Variants in ZC3H13 observed in about 807,000 individuals in gnomAD.
The protein encoded by ZC3H13 is zinc finger CCCH domain-containing protein 13.
Under a neutral mutation model 204.1 loss-of-function variants are expected in ZC3H13, and 64 were observed. The observed-to-expected ratio is 0.31, with a 90% CI of 0.26 to 0.39. ZC3H13 has a LOEUF of 0.39. ZC3H13 is among the 10% of genes least tolerant of loss of function. ZC3H13 has a pLI of 1.00. For missense variants in ZC3H13, 1,833 were observed against 2,082.7 expected (o/e 0.88, Z 2.33); for synonymous variants, 667 against 693.7 (o/e 0.96, Z 0.60).
intron 8 of ZC3H13, 37 bp downstream of exon 8, chr13:46,003,102 A>C: frequency 6.3e-7 from 1 of 1,586,752 alleles, no homozygotes; most frequent in Non-Finnish European, 8.5e-7. Flanking sequence ...ATATTCTACA[A>C]AAGTTAATAT....
At chr13:45,987,901 A>AT (rs2039665457) in intron 9 of ZC3H13, among the ~76,000 whole-genome samples, 1 of 152,220 alleles carries the variant, frequency 6.6e-6, no homozygotes, top group African/African-American at 2.4e-5. Context: ...AACAGGCTTT[A>AT]TTGCCAGGTA....
intron 5 of ZC3H13, among the ~76,000 whole-genome samples, chr13:46,012,415 T>C (rs930722845): frequency 6.6e-6 from 1 of 152,184 alleles, no homozygotes; most frequent in African/African-American, 2.4e-5. Flanking sequence ...GATATACTTC[T>C]AGCACTTTAG....
At chr13:45,994,235 C>A (rs34976194) in intron 8 of ZC3H13, among the ~76,000 whole-genome samples, 12,801 of 152,254 alleles carry the variant, frequency 0.084, 772 homozygotes, top group Non-Finnish European at 0.12. Flanking sequence ...AAATAACATA[C>A]AAAATATGTG....
chr13:45,989,146 T>C, intron 8 of ZC3H13, 49 bp from the exon 9 acceptor site: 1 of 1,534,888 alleles, frequency 6.5e-7, no homozygotes, highest in Non-Finnish European at 8.8e-7. Context: ...GAGCTTCATT[T>C]CTAGCCAAAG....
intron 12 of ZC3H13, among the ~76,000 whole-genome samples, chr13:45,971,882 C>G (rs890412081): frequency 1.3e-5 from 2 of 151,912 alleles, no homozygotes; most frequent in African/African-American, 4.8e-5. Context: ...ATACAAACAG[C>G]CAACAAACGT....
chr13:46,003,895 A>G (rs1289199428), intron 7 of ZC3H13, among the ~76,000 whole-genome samples: 1 of 152,194 alleles, frequency 6.6e-6, no homozygotes, highest in Non-Finnish European at 1.5e-5. Flanking sequence ...ATCCGAAAAG[A>G]AAATATAGAA....
chr13:46,018,606 G>A (rs2042051323), intron 5 of ZC3H13, among the ~76,000 whole-genome samples: 1 of 152,148 alleles, frequency 6.6e-6, no homozygotes, highest in African/African-American at 2.4e-5. Context: ...GTTTGAAGGT[G>A]TGGTAGGAGG....
intron 8 of ZC3H13, among the ~76,000 whole-genome samples, chr13:45,999,180 G>C (rs369170487): frequency 2.0e-5 from 3 of 152,276 alleles, no homozygotes; most frequent in South Asian, 4.1e-4. Flanking sequence ...GGGAGGCGGA[G>C]GCTACAATGA....
chr13:46,040,554 C>T (rs1405320217), intron 4 of ZC3H13, among the ~76,000 whole-genome samples: 1 of 151,730 alleles, frequency 6.6e-6, no homozygotes, highest in African/African-American at 2.4e-5. Context: ...TAGATGACAC[C>T]AAAAGCACAA....
At chr13:45,982,506 TA>T (rs981992785) in intron 10 of ZC3H13, among the ~76,000 whole-genome samples, 3 of 151,376 alleles carry the variant, frequency 2.0e-5, no homozygotes, top group Non-Finnish European at 3.0e-5. Flanking sequence ...GAGTTACATT[TA>T]AAAAAAAATT....
intron 8 of ZC3H13, among the ~76,000 whole-genome samples, chr13:45,995,856 A>G (rs897585147): frequency 6.6e-6 from 1 of 152,234 alleles, no homozygotes; most frequent in African/African-American, 2.4e-5. Context: ...CAATACAAGA[A>G]CAACCTGATC....
At chr13:46,031,678 C>T (rs368269257) in intron 4 of ZC3H13, among the ~76,000 whole-genome samples, 10 of 152,220 alleles carry the variant, frequency 6.6e-5, no homozygotes, top group East Asian at 1.9e-4. Context: ...TATGAAAAGA[C>T]GCTCAAGAGC....
chr13:46,052,351 G>A (rs190588925), intron 1 of ZC3H13, 53 bp downstream of exon 1: 6 of 393,504 alleles, frequency 1.5e-5, no homozygotes, highest in East Asian at 7.2e-5. Context: ...TCCGCATTAC[G>A]GGTCCGCTCA....
intron 10 of ZC3H13, among the ~76,000 whole-genome samples, 190 bp from the exon 11 acceptor site, chr13:45,980,194 G>C (rs1268011535): frequency 6.6e-6 from 1 of 151,960 alleles, no homozygotes; most frequent in Non-Finnish European, 1.5e-5. Flanking sequence ...GACCTGAGTA[G>C]ACGAAGTCCC....
At chr13:45,996,900 T>A (rs7338189) in intron 8 of ZC3H13, among the ~76,000 whole-genome samples, 1 of 152,218 alleles carries the variant, frequency 6.6e-6, no homozygotes, top group Non-Finnish European at 1.5e-5. Flanking sequence ...AATTCATGCA[T>A]AGTATATACA....
At chr13:46,028,362 C>T (rs544515542) in intron 4 of ZC3H13, among the ~76,000 whole-genome samples, 61 of 152,240 alleles carry the variant, frequency 4.0e-4, no homozygotes, top group African/African-American at 1.4e-3. Context: ...GAGAAATTCA[C>T]TCTTATGGTT....
At position 45,956,416 on chromosome 13, in the gene ZC3H13, A is replaced by G. The variant is rs938504692; in HGVS notation, c.*711T>C. On this transcript the variant is annotated 3_prime_UTR_variant, in exon 19 of 19. Coordinates refer to ENST00000679008, the MANE Select transcript of ZC3H13 (RefSeq NM_001330564.2). ...AATGTTCTAGATCATCAGGAATAAG[A>G]TTAACGAAGAGCAAAGTAAATCTAA... 6.6e-6 allele frequency: 1 copy of G among 152,338 alleles called. No individual in the cohort carries two copies. Among genetic ancestry groups the G allele is most frequent in the South Asian group, 2.1e-4 (1 of 4,834 alleles). The allele number at this position is 152,338 out of a possible 1,614,324, so 9.4% of individuals were successfully genotyped here.
chr13:46,045,139 A>G, intron 2 of ZC3H13, 75 bp from the exon 3 acceptor site: 1 of 1,321,550 alleles, frequency 7.6e-7, no homozygotes, highest in Non-Finnish European at 1.0e-6. Flanking sequence ...ACAAAATTAA[A>G]ACAAATGCTA....
In ZC3H13 at chr13:45,967,553, C is replaced by A; in HGVS notation, c.4272G>T (p.Val1424=). The A allele has an allele frequency of 6.2e-7, 1 of 1,605,146 alleles. No homozygotes were observed. Among genetic ancestry groups the A allele is most frequent in the Non-Finnish European group, 8.5e-7 (1 of 1,176,108 alleles). The change falls in exon 15 of 19, where the codon GTG becomes GTT. Residue 1424 remains valine, a synonymous_variant. Transcript: ENST00000679008. ...KERMDKDLGS[V]QGFEETNKSE... is the part of the protein sequence containing the mutation. Reference sequence around the variant, plus strand: ...ATTTATTTGTTTCTTCAAATCCCTGCACAGATCCCAGATCTTTATCCATTC... The same window carrying A: ...ATTTATTTGTTTCTTCAAATCCCTGAACAGATCCCAGATCTTTATCCATTC...
Sources: gnomAD v4.1 joint callset for allele counts (sites outside exome capture counted in the v4.1 genomes callset) on GRCh38, gnomAD v4.1.1 for gene constraint, MANE v1.5 for transcripts, NCBI Gene and HGNC (gene_info 2026-07-23, HGNC 2026-07-21) for gene names.